Variants in DNAH6 observed in about 807,000 individuals in gnomAD.
DNAH6 encodes axonemal beta dynein heavy chain 6.
Under a neutral mutation model 491.4 loss-of-function variants are expected in DNAH6, and 340 were observed. The ratio of observed to expected loss-of-function variants is 0.69; its 90% confidence interval spans 0.63 to 0.76. The LOEUF is 0.76. DNAH6 is among the 30% of genes least tolerant of loss of function. DNAH6 has a pLI of 0.00. For synonymous variants in DNAH6, 1,603 were observed against 1,686.1 expected (o/e 0.95, Z 1.21); for missense variants, 4,443 against 4,972.2 (o/e 0.89, Z 3.20).
intron 14 of DNAH6, among the ~76,000 whole-genome samples, chr2:84,582,049 A>G (rs948085308): frequency 6.6e-6 from 1 of 152,220 alleles, no homozygotes; most frequent in African/African-American, 2.4e-5. Context: ...CGCCCAAAAT[A>G]GAGGAAATAG....
intron 56 of DNAH6, among the ~76,000 whole-genome samples, chr2:84,711,075 G>T (rs1190706072): frequency 6.6e-6 from 1 of 152,190 alleles, no homozygotes; most frequent in East Asian, 1.9e-4. Flanking sequence ...GAGAAAGAAA[G>T]AGAGAAGAAA....
At chr2:84,812,565 T>G (rs1229236990) in intron 73 of DNAH6, 39 bp downstream of exon 73, 1 of 1,519,294 alleles carries the variant, frequency 6.6e-7, no homozygotes, top group Non-Finnish European at 8.9e-7. Flanking sequence ...ATGAATCTGA[T>G]GGCATAGTTG....
At chr2:84,768,895 G>A (rs977008596) in intron 64 of DNAH6, among the ~76,000 whole-genome samples, 3 of 152,192 alleles carry the variant, frequency 2.0e-5, no homozygotes, top group African/African-American at 7.2e-5. Flanking sequence ...ATCAGCAATG[G>A]CAGAGTAGAA....
the DNAH6 span, among the ~76,000 whole-genome samples, chr2:84,499,647 G>T: frequency 6.6e-6 from 1 of 152,110 alleles, no homozygotes; most frequent in Non-Finnish European, 1.5e-5. Context: ...TACTAATTTG[G>T]ATTCCCGCCA....
At position 84,634,524 on chromosome 2, in the gene DNAH6, T is replaced by G. The variant is rs1688694863; in HGVS notation, c.4536T>G (p.Ser1512Arg). 5 of 1,543,724 alleles carry G rather than the reference T, an allele frequency of 3.2e-6. No individual in the cohort carries two copies. The highest frequency in any genetic ancestry group is 4.4e-6 in the Non-Finnish European group (5 of 1,144,420). Residue 1512 changes from serine (S) to arginine (R), a missense_variant, in exon 30 of 77, where the codon AGT (serine) becomes AGG (arginine). Physicochemically the swap from Ser to Arg is moderately radical, Grantham distance 110 (BLOSUM62 -1). Transcript: ENST00000389394. ...TTCAGATGATGGGGCGCTTCTTCAG[T>G]GGCTTGGCACAGTCAGGGGCCTGGT... ...LDYKMMGRFF[S>R]GLAQSGAWCC...
chr2:84,662,425 G>A (rs2104611073), intron 37 of DNAH6, among the ~76,000 whole-genome samples: 1 of 152,306 alleles, frequency 6.6e-6, no homozygotes, highest in East Asian at 1.9e-4. Context: ...TTTTCCAACG[G>A]TCTTAGAAAA....
intron 64 of DNAH6, chr2:84,777,559 A>C (rs961734041): frequency 1.3e-6 from 1 of 778,250 alleles, no homozygotes; most frequent in Non-Finnish European, 2.4e-6. Flanking sequence ...CCTACTTGTG[A>C]ACCTCTTTCC....
Position 84,547,529 on chromosome 2 carries a change from A to T in DNAH6, c.1103A>T (p.Lys368Ile), listed in dbSNP as rs1360906969. 8 of 1,551,710 alleles carry T rather than the reference A, an allele frequency of 5.2e-6. No homozygotes were observed. The highest frequency in any genetic ancestry group is 1.7e-4 in the Middle Eastern group (1 of 5,990). Residue 368 changes from lysine to isoleucine, a missense_variant, in exon 7 of 77, where the codon AAA becomes ATA. By Grantham distance (102) the Lys-to-Ile change is moderately radical. Coordinates refer to ENST00000389394, the MANE Select transcript of DNAH6 (RefSeq NM_001370.2). The stretch of plus-strand genomic sequence containing the variant: ...CTAGGAGAATTTCGAAATGAGGCAA[A>T]ATATGTAGTCAGGAGGGCTTGTCGA... ...ERLGEFRNEAKYVVRRACRFA... is the reference protein window; with the variant it reads ...ERLGEFRNEAIYVVRRACRFA...
chr2:84,806,818 G>C (rs1679463321), intron 71 of DNAH6, among the ~76,000 whole-genome samples: 1 of 152,108 alleles, frequency 6.6e-6, no homozygotes, highest in Non-Finnish European at 1.5e-5. Context: ...TGGAAGAAAA[G>C]GAGCCTTGTG....
At chr2:84,586,192 G>A (rs757489614) in intron 15 of DNAH6, among the ~76,000 whole-genome samples, 6 of 152,198 alleles carry the variant, frequency 3.9e-5, no homozygotes, top group Non-Finnish European at 7.3e-5. Context: ...AAGAGCACAG[G>A]ACTGCCTGAG....
intron 4 of DNAH6, among the ~76,000 whole-genome samples, chr2:84,531,730 C>T (rs979720723): frequency 1.0e-4 from 11 of 105,004 alleles, no homozygotes; most frequent in African/African-American, 3.1e-4. Flanking sequence ...AGATGGTAGA[C>T]GAAGGAGAAT....
At chr2:84,634,776 C>A (rs1347163454) in intron 30 of DNAH6, 135 bp downstream of exon 30, 10 of 1,052,070 alleles carry the variant, frequency 9.5e-6, no homozygotes, top group Non-Finnish European at 1.3e-5. Context: ...GACCTTGGCT[C>A]TCCAGAGCTC....
intron 60 of DNAH6, among the ~76,000 whole-genome samples, chr2:84,724,241 A>G (rs1030332118): frequency 4.6e-5 from 7 of 152,168 alleles, no homozygotes; most frequent in Non-Finnish European, 1.0e-4. Flanking sequence ...TTTCCCTGCA[A>G]CACATCTCTA....
chr2:84,613,434 T>A (rs1686526009), intron 22 of DNAH6, among the ~76,000 whole-genome samples: 1 of 152,106 alleles, frequency 6.6e-6, no homozygotes, highest in Non-Finnish European at 1.5e-5. Flanking sequence ...ACTGGGTCCT[T>A]GATTACATAG....
At chr2:84,681,110 G>A (rs1463477372) in intron 41 of DNAH6, among the ~76,000 whole-genome samples, 1 of 152,140 alleles carries the variant, frequency 6.6e-6, no homozygotes, top group Admixed American at 6.5e-5. Flanking sequence ...ACTTGAGAGT[G>A]TGTTCATGTA....
At chr2:84,608,436 C>A (rs1345756807) in intron 21 of DNAH6, among the ~76,000 whole-genome samples, 1 of 152,182 alleles carries the variant, frequency 6.6e-6, no homozygotes, top group South Asian at 2.1e-4. Flanking sequence ...GAAAGTACTC[C>A]TTAATCCATG....
rs1559078812 is a variant in DNAH6, at chr2:84,819,538, T to C, written c.*130T>C. ...ATTTGACTTAAACGTATTGTGACTT[T>C]TATTTCTCTTATGACCTTAAAATAA... On this transcript the variant is annotated 3_prime_UTR_variant, in exon 77 of 77. Coordinates refer to ENST00000389394, the MANE Select transcript of DNAH6 (RefSeq NM_001370.2). The C allele has an allele frequency of 1.9e-5, 11 of 566,466 alleles. No individual in the cohort carries two copies. The South Asian group carries it at 2.8e-4, about 14-fold the overall frequency. 35.1% of individuals were successfully genotyped at this position (566,466 alleles called of 1,614,324 possible). A position where few individuals can be genotyped will look rare whatever the true frequency, so the allele number is the denominator to read the frequency against.
intron 11 of DNAH6, among the ~76,000 whole-genome samples, chr2:84,559,416 T>A (rs373010246): frequency 8.5e-5 from 13 of 152,100 alleles, no homozygotes; most frequent in Admixed American, 5.9e-4. Context: ...ATGTAAGTGC[T>A]GCAAAACAAA....
At chr2:84,645,253 G>A (rs1189741974) in intron 33 of DNAH6, among the ~76,000 whole-genome samples, 4 of 151,856 alleles carry the variant, frequency 2.6e-5, no homozygotes, top group Non-Finnish European at 5.9e-5. Flanking sequence ...AACCCTGTCT[G>A]TACTAAAAAT....
Sources: gnomAD v4.1 joint callset for allele counts (sites outside exome capture counted in the v4.1 genomes callset) on GRCh38, gnomAD v4.1.1 for gene constraint, MANE v1.5 for transcripts, NCBI Gene and HGNC (gene_info 2026-07-23, HGNC 2026-07-21) for gene names.